DENND1A: variants seen among roughly 807,000 people sequenced by gnomAD.
The protein encoded by DENND1A is DENN domain-containing protein 1A.
In DENND1A, 51 loss-of-function variants were observed where a neutral mutation model predicts 113.7. The observed-to-expected ratio is 0.45, with a 90% CI of 0.36 to 0.57. DENND1A has a LOEUF of 0.57. DENND1A is among the 20% of genes least tolerant of loss of function. The pLI is 0.00. For synonymous variants in DENND1A, 565 were observed against 570.8 expected, an observed-to-expected ratio of 0.99 and a Z score of 0.14; for missense variants, 1,258 against 1,395.9, an observed-to-expected ratio of 0.90 and a Z score of 1.57.
chr9:123,844,546 C>T (rs1842305255), intron 2 of DENND1A, among the ~76,000 whole-genome samples: 1 of 151,938 alleles, frequency 6.6e-6, no homozygotes, highest in Non-Finnish European at 1.5e-5. Context: ...AACTACAAAA[C>T]ATTATGGGGA....
At chr9:123,762,716 T>C (rs928647048) in intron 4 of DENND1A, among the ~76,000 whole-genome samples, 2 of 152,244 alleles carry the variant, frequency 1.3e-5, no homozygotes, top group Non-Finnish European at 2.9e-5. Context: ...ACATACAGCT[T>C]GTAATAGTGG....
intron 10 of DENND1A, among the ~76,000 whole-genome samples, chr9:123,618,604 C>G (rs1483382896): frequency 2.0e-5 from 3 of 152,258 alleles, no homozygotes; most frequent in African/African-American, 7.2e-5. Flanking sequence ...GGCTCAGAGG[C>G]AGATACAGTA....
chr9:123,743,929 G>A (rs145647962), intron 5 of DENND1A, among the ~76,000 whole-genome samples: 10 of 152,138 alleles, frequency 6.6e-5, no homozygotes, highest in East Asian at 5.8e-4. Context: ...ATTTCAGAGC[G>A]TAAGTCCGTT....
intron 8 of DENND1A, among the ~76,000 whole-genome samples, 157 bp downstream of exon 8, chr9:123,666,869 C>T (rs977234240): frequency 6.6e-6 from 1 of 152,096 alleles, no homozygotes. Context: ...TTTTATAATA[C>T]ACTTCAGTTC....
intron 10 of DENND1A, 46 bp from the exon 11 acceptor site, chr9:123,609,527 T>G (rs750248080): frequency 1.3e-6 from 2 of 1,595,784 alleles, no homozygotes; most frequent in Admixed American, 3.4e-5. Context: ...TGTCTGTTGC[T>G]TCTGACAGAA....
intron 18 of DENND1A, among the ~76,000 whole-genome samples, chr9:123,443,989 CTCTGT>C (rs1442996200): frequency 6.6e-6 from 1 of 152,000 alleles, no homozygotes; most frequent in Non-Finnish European, 1.5e-5. Context: ...CATTCAAATT[CTCTGT>C]TCTATCTCCT....
chr9:123,744,038 T>C (rs1364359190), intron 5 of DENND1A, among the ~76,000 whole-genome samples: 1 of 152,168 alleles, frequency 6.6e-6, no homozygotes, highest in Non-Finnish European at 1.5e-5. Context: ...AATCATGAGA[T>C]AGATATATGA....
chr9:123,452,351 T>A lies in DENND1A; in HGVS notation c.1228-4A>T. On this transcript the variant is annotated splice_polypyrimidine_tract_variant and splice_region_variant and intron_variant, in intron 16 of 23. Coordinates refer to ENST00000394215, the MANE Select transcript of DENND1A (RefSeq NM_001352964.2). ...TCAGAATTGCTCCACTTCCTTTCTA[T>A]AATAAAAATGTCAATTAGCAATTTG... 1 of 1,613,996 alleles carries A rather than the reference T, an allele frequency of 6.2e-7. No individual in the cohort carries two copies. The highest frequency in any genetic ancestry group is 8.5e-7 in the Non-Finnish European group (1 of 1,179,824).
intron 1 of DENND1A, among the ~76,000 whole-genome samples, chr9:123,922,127 T>TA (rs1554820143): frequency 2.6e-5 from 4 of 151,964 alleles, no homozygotes; most frequent in Non-Finnish European, 5.9e-5. Context: ...AAAGACAGAG[T>TA]TTCATCATGT....
At chr9:123,836,081 G>A (rs774568503) in intron 2 of DENND1A, among the ~76,000 whole-genome samples, 2 of 152,058 alleles carry the variant, frequency 1.3e-5, no homozygotes, top group Non-Finnish European at 2.9e-5. Context: ...CCGGGGACAT[G>A]GTATGTTAAG....
chr9:123,649,531 A>C (rs1435598018), intron 9 of DENND1A, among the ~76,000 whole-genome samples: 1 of 152,228 alleles, frequency 6.6e-6, no homozygotes, highest in African/African-American at 2.4e-5. Context: ...GATGTTTGAT[A>C]AAACACACTT....
chr9:123,846,614 T>G (rs188270604), intron 2 of DENND1A, among the ~76,000 whole-genome samples: 1 of 152,236 alleles, frequency 6.6e-6, no homozygotes, highest in African/African-American at 2.4e-5. Context: ...ACAAATAATA[T>G]ATGATTCCAC....
chr9:123,519,594 T>C (rs929806726), intron 13 of DENND1A, among the ~76,000 whole-genome samples: 2 of 152,160 alleles, frequency 1.3e-5, no homozygotes, highest in Non-Finnish European at 2.9e-5. Flanking sequence ...AATTTTTATA[T>C]TTTTAGTAGA....
chr9:123,450,805 T>C, intron 17 of DENND1A, 56 bp from the exon 18 acceptor site: 3 of 1,460,186 alleles, frequency 2.1e-6, no homozygotes, highest in Non-Finnish European at 9.5e-7. Flanking sequence ...GCAGGGACTA[T>C]GCTTGATTTC....
chr9:123,418,080 T>A (rs1001993234), intron 19 of DENND1A, among the ~76,000 whole-genome samples: 30 of 152,110 alleles, frequency 2.0e-4, no homozygotes, highest in Non-Finnish European at 3.8e-4. Flanking sequence ...AGGGATATAA[T>A]CAGAGACACA....
At chr9:123,717,026 G>A (rs1351056108) in intron 5 of DENND1A, among the ~76,000 whole-genome samples, 1 of 152,084 alleles carries the variant, frequency 6.6e-6, no homozygotes, top group African/African-American at 2.4e-5. Context: ...GCCTTCTAAA[G>A]TTACCACCCA....
At chr9:123,408,708 C>T (rs924369204) in intron 20 of DENND1A, among the ~76,000 whole-genome samples, 2 of 152,200 alleles carry the variant, frequency 1.3e-5, no homozygotes, top group East Asian at 1.9e-4. Context: ...ATTAGCTCAG[C>T]GCCTGAGGCA....
intron 13 of DENND1A, among the ~76,000 whole-genome samples, chr9:123,542,935 C>T (rs1256829830): frequency 6.6e-6 from 1 of 152,192 alleles, no homozygotes; most frequent in Non-Finnish European, 1.5e-5. Flanking sequence ...TGAAAGTAGT[C>T]TCTGTTGTCC....
At chr9:123,583,686 G>C (rs1198785276) in intron 11 of DENND1A, among the ~76,000 whole-genome samples, 1 of 152,086 alleles carries the variant, frequency 6.6e-6, no homozygotes, top group Non-Finnish European at 1.5e-5. Context: ...ATTTAACAAA[G>C]GCTACTTGCC....
Sources: gnomAD v4.1 joint callset for allele counts (sites outside exome capture counted in the v4.1 genomes callset) on GRCh38, gnomAD v4.1.1 for gene constraint, MANE v1.5 for transcripts, NCBI Gene and HGNC (gene_info 2026-07-23, HGNC 2026-07-21) for gene names.